The following SOX5 variants were observed in gnomAD, a reference collection of about 807,000 sequenced individuals.
The protein encoded by SOX5 is SRY-box transcription factor 5, also known as transcription factor SOX-5.
SOX5 carries 9 observed loss-of-function variants against 92.0 expected under a neutral mutation model. That is an observed-to-expected ratio of 0.10 (90% CI 0.06 to 0.17). SOX5 has a LOEUF of 0.17. Ranked by LOEUF, SOX5 falls within the 10% of genes least tolerant of loss-of-function variation. The pLI, the probability that SOX5 is intolerant of heterozygous loss-of-function variation, is 1.00. For missense variants in SOX5, 642 were observed against 944.5 expected (o/e 0.68, Z 4.20); for synonymous variants, 344 against 336.3 (o/e 1.02, Z -0.25).
chr12:23,576,110 C>T (rs1592213156), intron 9 of SOX5, among the ~76,000 whole-genome samples: 1 of 152,056 alleles, frequency 6.6e-6, no homozygotes, highest in South Asian at 2.1e-4. Context: ...AAGAAATATT[C>T]TTAAAAAGCT....
intron 1 of SOX5, among the ~76,000 whole-genome samples, chr12:24,556,234 C>T (rs895700173): frequency 1.5e-4 from 23 of 152,284 alleles, no homozygotes; most frequent in Middle Eastern, 3.4e-3. Context: ...CTTCAGGAAC[C>T]CCAATTAATG....
intron 3 of SOX5, among the ~76,000 whole-genome samples, chr12:23,764,328 A>G (rs11047089): frequency 0.89 from 135,947 of 152,090 alleles, 62,472 homozygotes; most frequent in East Asian, 0.99. Flanking sequence ...TCTCAACTGT[A>G]TATATGTGAG....
At chr12:24,024,160 G>A (rs961382782) in intron 4 of SOX5, among the ~76,000 whole-genome samples, 2 of 151,928 alleles carry the variant, frequency 1.3e-5, no homozygotes, top group Non-Finnish European at 2.9e-5. Flanking sequence ...ATACAAAGAA[G>A]TAAATTATTG....
chr12:24,384,990 A>C (rs1958229965), intron 1 of SOX5, among the ~76,000 whole-genome samples: 1 of 152,116 alleles, frequency 6.6e-6, no homozygotes, highest in Admixed American at 6.6e-5. Context: ...CACAAGAAGA[A>C]AGCTGAATCC....
At chr12:24,500,930 T>C (rs1361456440) in intron 1 of SOX5, among the ~76,000 whole-genome samples, 2 of 152,202 alleles carry the variant, frequency 1.3e-5, no homozygotes, top group Non-Finnish European at 2.9e-5. Context: ...CCATCGGTCT[T>C]ATAATCAATC....
chr12:23,615,677 A>G (rs968732848), intron 8 of SOX5, among the ~76,000 whole-genome samples: 2 of 111,522 alleles, frequency 1.8e-5, no homozygotes, highest in Non-Finnish European at 3.6e-5. Context: ...AAAAGACACG[A>G]TCTCATTCTT....
At chr12:23,949,856 T>G (rs1229770038), upstream of SOX5, among the ~76,000 whole-genome samples, 1 of 141,858 alleles carries the variant, frequency 7.0e-6, no homozygotes, top group Non-Finnish European at 1.5e-5. Context: ...CTTAAAGGGG[T>G]AGTGCACTTC....
chr12:24,186,036 G>A (rs1045565488), intron 4 of SOX5, among the ~76,000 whole-genome samples: 3 of 151,964 alleles, frequency 2.0e-5, no homozygotes, highest in Admixed American at 6.6e-5. Flanking sequence ...CAGGTTACTG[G>A]GGCATAGAGT....
intron 1 of SOX5, among the ~76,000 whole-genome samples, chr12:24,474,505 T>C (rs971291324): frequency 2.6e-5 from 4 of 152,208 alleles, no homozygotes; most frequent in African/African-American, 9.6e-5. Context: ...GTAATAATTG[T>C]AAATGATTTT....
intron 7 of SOX5, among the ~76,000 whole-genome samples, chr12:23,657,212 G>C (rs2082418336): frequency 6.6e-6 from 1 of 152,094 alleles, no homozygotes; most frequent in Admixed American, 6.5e-5. Context: ...AAATCAATAA[G>C]AGAGCAAGCC....
intron 11 of SOX5, among the ~76,000 whole-genome samples, chr12:23,549,413 T>C (rs1182472267): frequency 6.6e-6 from 1 of 151,900 alleles, no homozygotes; most frequent in Non-Finnish European, 1.5e-5. Flanking sequence ...ATCATGTTAC[T>C]CAAGAGTTTC....
intron 2 of SOX5, among the ~76,000 whole-genome samples, chr12:24,330,663 C>G (rs1485049649): frequency 1.3e-5 from 2 of 152,218 alleles, no homozygotes; most frequent in Non-Finnish European, 2.9e-5. Context: ...AAGTTCAGTT[C>G]AAACCTCTAT....
upstream of SOX5, among the ~76,000 whole-genome samples, chr12:23,953,868 G>C (rs4246220): frequency 6.6e-6 from 1 of 151,920 alleles, no homozygotes; most frequent in South Asian, 2.1e-4. Context: ...CGGTATAATG[G>C]AAAATGGAAT....
chr12:24,331,847 T>C (rs1436275257), intron 2 of SOX5, among the ~76,000 whole-genome samples: 2 of 10,286 alleles, frequency 1.9e-4, no homozygotes, highest in African/African-American at 9.5e-4. Context: ...CAAGACTGTC[T>C]CAAAAAAAAA....
At chr12:23,718,399 A>G (rs1053470577) in intron 6 of SOX5, among the ~76,000 whole-genome samples, 5 of 152,340 alleles carry the variant, frequency 3.3e-5, no homozygotes, top group Admixed American at 2.6e-4. Flanking sequence ...CACACTTCCT[A>G]TCTTAATCTT....
intron 3 of SOX5, among the ~76,000 whole-genome samples, chr12:23,770,698 G>A (rs915995044): frequency 1.3e-5 from 2 of 152,258 alleles, no homozygotes; most frequent in East Asian, 3.9e-4. Flanking sequence ...TCAGTAAGCA[G>A]CACCTAACTG....
chr12:24,211,383 G>T (rs1471661667), intron 4 of SOX5, among the ~76,000 whole-genome samples: 1 of 152,186 alleles, frequency 6.6e-6, no homozygotes, highest in African/African-American at 2.4e-5. Flanking sequence ...AGCTCTGGGA[G>T]AGTAGGAATT....
At chr12:23,631,638 T>C (rs892608728) in intron 8 of SOX5, among the ~76,000 whole-genome samples, 1 of 152,106 alleles carries the variant, frequency 6.6e-6, no homozygotes, top group Non-Finnish European at 1.5e-5. Context: ...CATGGACTTG[T>C]GACCAGAAAA....
chr12:24,487,882 G>T, intron 1 of SOX5, among the ~76,000 whole-genome samples: 1 of 151,754 alleles, frequency 6.6e-6, no homozygotes, highest in South Asian at 2.1e-4. Context: ...ACTTTCAATA[G>T]AATTTTAGAG....
Sources: allele counts gnomAD v4.1 joint callset (sites outside exome capture counted in the v4.1 genomes callset), GRCh38; gene constraint gnomAD v4.1.1; transcripts MANE v1.5; gene names NCBI Gene and HGNC (gene_info 2026-07-23, HGNC 2026-07-21).